DMXL1: variants seen among roughly 807,000 people sequenced by gnomAD.
DMXL1 encodes the protein Dmx like 1, also known as dmX-like protein 1.
DMXL1 carries 99 observed loss-of-function variants against 319.2 expected under a neutral mutation model. The ratio of observed to expected loss-of-function variants is 0.31; its 90% CI spans 0.26 to 0.37. The LOEUF (loss-of-function observed/expected upper bound fraction) is 0.37, where lower values mean the gene tolerates loss of function less well. Ranked by LOEUF, DMXL1 falls within the 10% of genes least tolerant of loss-of-function variation. DMXL1 has a pLI of 1.00. For missense variants in DMXL1, 3,745 were observed against 3,595.6 expected, an observed-to-expected ratio of 1.04 and a Z score of -1.06; for synonymous variants, 1,385 against 1,235.2, an observed-to-expected ratio of 1.12 and a Z score of -2.54.
intron 19 of DMXL1, among the ~76,000 whole-genome samples, chr5:119,160,110 T>TATA: frequency 6.6e-6 from 1 of 152,232 alleles, no homozygotes; most frequent in Admixed American, 6.5e-5. Context: ...TTCCTTGATG[T>TATA]ATAATAGTAG....
intron 13 of DMXL1, among the ~76,000 whole-genome samples, chr5:119,138,233 C>G (rs764910064): frequency 1.4e-4 from 21 of 152,006 alleles, no homozygotes; most frequent in Non-Finnish European, 5.9e-5. Flanking sequence ...TATGAATGGA[C>G]TGGATGCGGT....
chr5:119,189,898 G>A lies in DMXL1; in HGVS notation c.7314+12G>A, dbSNP rs1561835105. On this transcript the variant is annotated intron_variant, in intron 29 of 43. Coordinates refer to ENST00000539542, the MANE Select transcript of DMXL1 (RefSeq NM_001290321.3). ...ATTTCATAGCTAAGGTAATTAAAAT[G>A]CTATCTAGATCAATATTTTCATAGT... 3.1e-6 allele frequency: 5 copies of A among 1,606,048 alleles called. No individual in the cohort carries two copies. Among genetic ancestry groups the A allele is most frequent in the South Asian group, 2.2e-5 (2 of 90,780 alleles).
At chr5:119,222,057 A>G (rs1292408694) in intron 37 of DMXL1, among the ~76,000 whole-genome samples, 1 of 152,086 alleles carries the variant, frequency 6.6e-6, no homozygotes, top group African/African-American at 2.4e-5. Flanking sequence ...AAAAAAAATT[A>G]TTTTTCATTA....
At chr5:119,089,292 ATTTTTTTTTTT>A (rs1157921856) in intron 1 of DMXL1, among the ~76,000 whole-genome samples, 16 of 39,882 alleles carry the variant, frequency 4.0e-4, no homozygotes, top group Non-Finnish European at 1.4e-4. Flanking sequence ...ATATATATAT[ATTTTTTTTTTT>A]TTTTTTTTTT....
chr5:119,127,724 C>T, intron 9 of DMXL1: 1 of 235,406 alleles, frequency 4.2e-6, no homozygotes, highest in Non-Finnish European at 8.4e-6. Context: ...CAGACATGAG[C>T]TGCTGCACCC....
In DMXL1 at chr5:119,164,392, CTG is replaced by C. The variant is rs563923311; in HGVS notation, c.4703-112_4703-111del. On this transcript the variant is annotated intron_variant, in intron 19 of 43. Coordinates refer to ENST00000539542, the MANE Select transcript of DMXL1 (RefSeq NM_001290321.3). Reference sequence around the variant, plus strand: ...AAAAGCCCATATTTCCAATCTTAAACTGTGAGTCTCATAGAAGTTTACACATT... The same window carrying C: ...AAAAGCCCATATTTCCAATCTTAAACTGAGTCTCATAGAAGTTTACACATT... 2.0e-5 allele frequency: 18 copies of C among 919,282 alleles called. No individual in the cohort carries two copies. The South Asian group carries it at 2.3e-4, about 12-fold the overall frequency. The allele number at this position is 919,282 out of a possible 1,614,324, so 56.9% of individuals were successfully genotyped here. A position where few individuals can be genotyped will look rare whatever the true frequency, so the allele number is the denominator to read the frequency against.
At chr5:119,232,054 C>T (rs981979145) in intron 38 of DMXL1, among the ~76,000 whole-genome samples, 1 of 152,128 alleles carries the variant, frequency 6.6e-6, no homozygotes, top group Non-Finnish European at 1.5e-5. Context: ...AATCAAGGCA[C>T]ACTACAGCTT....
At chr5:119,205,995 T>G (rs944798442) in intron 33 of DMXL1, among the ~76,000 whole-genome samples, 1 of 152,070 alleles carries the variant, frequency 6.6e-6, no homozygotes, top group Non-Finnish European at 1.5e-5. Flanking sequence ...CTTTATTTCT[T>G]TATGTGTTTG....
Position 119,220,547 on chromosome 5 carries a change from C to A in DMXL1, c.8089C>A (p.Gln2697Lys). The change falls in exon 36 of 44, where the codon CAG becomes AAG. Residue 2697 changes from glutamine (Q) to lysine (K), a missense_variant. Gln to Lys is a moderately conservative substitution (Grantham distance 53). This residue lies in a region of DMXL1 where 1,382 missense variants were observed against 1,269.5 expected (regional missense o/e 1.09). Coordinates refer to ENST00000539542, the MANE Select transcript of DMXL1 (RefSeq NM_001290321.3). Reference sequence around the variant, plus strand: ...GGATGTTTCTGGAATTCTGGCCACACAGGTCTACACTTGGGTAGATGATGA... The same window carrying A: ...GGATGTTTCTGGAATTCTGGCCACAAAGGTCTACACTTGGGTAGATGATGA... ...ELDVSGILAT[Q>K]VYTWVDDDIE... 1 of 1,613,690 alleles carries A rather than the reference C, an allele frequency of 6.2e-7. No homozygotes were observed. The highest frequency in any genetic ancestry group is 8.5e-7 in the Non-Finnish European group (1 of 1,179,792).
intron 39 of DMXL1, chr5:119,237,067 A>G (rs950675964): frequency 4.8e-6 from 1 of 209,412 alleles, no homozygotes; most frequent in African/African-American, 2.3e-5. Context: ...ACTTACAGAG[A>G]ATATATAGAC....
At chr5:119,244,325 A>T (rs1231473090) in intron 42 of DMXL1, 34 bp from the exon 43 acceptor site, 1 of 1,523,974 alleles carries the variant, frequency 6.6e-7, no homozygotes, top group Non-Finnish European at 8.9e-7. Flanking sequence ...TTTTATTGTT[A>T]AGTGTTTTTG....
At chr5:119,221,376 A>C (rs995286381) in intron 37 of DMXL1, among the ~76,000 whole-genome samples, 1 of 152,230 alleles carries the variant, frequency 6.6e-6, no homozygotes, top group African/African-American at 2.4e-5. Context: ...CATAGATCAA[A>C]TATTACCCAT....
chr5:119,169,884 TC>T (rs1452568221), intron 23 of DMXL1, among the ~76,000 whole-genome samples: 1 of 152,184 alleles, frequency 6.6e-6, no homozygotes, highest in African/African-American at 2.4e-5. Context: ...GGAGAAGTGT[TC>T]AGGGAAGTAG....
Position 119,178,264 on chromosome 5 carries a change from T to G in DMXL1, c.7135+20T>G, listed in dbSNP as rs1026655357. 7 of 1,607,578 alleles carry G rather than the reference T, an allele frequency of 4.4e-6. No individual in the cohort carries two copies. Among genetic ancestry groups the G allele is most frequent in the Non-Finnish European group, 6.0e-6 (7 of 1,176,464 alleles). ...TACCTGGTGAGTTTAAAAAATTTTT[T>G]TAGGACTGAAGCTTTATTTATCTGA... On this transcript the variant is annotated intron_variant, in intron 28 of 43. Transcript: ENST00000539542.
intron 9 of DMXL1, among the ~76,000 whole-genome samples, chr5:119,125,251 CTT>C (rs929141623): frequency 2.8e-4 from 42 of 152,150 alleles, no homozygotes; most frequent in African/African-American, 9.4e-4. Flanking sequence ...GGTAAAAAGA[CTT>C]TTTTTCTCTT....
In DMXL1 at chr5:119,192,029, C is replaced by T. The variant is rs559772211; in HGVS notation, c.7315-1799C>T. ...TCTTTACTCAGCTGTTCCAGAAGTT[C>T]CACTCTCCCTGCTGTGTTTCTTTGT... is the stretch of plus-strand genomic sequence containing the variant. On this transcript the variant is annotated intron_variant, in intron 29 of 43. Coordinates refer to ENST00000539542, the MANE Select transcript of DMXL1 (RefSeq NM_001290321.3). Among the ~76,000 whole-genome samples, 3 of 152,244 alleles carry T rather than the reference C, an allele frequency of 2.0e-5. No individual in the cohort carries two copies. In the East Asian group the frequency reaches 5.8e-4, roughly 29 times the overall value.
At position 119,178,132 on chromosome 5, in the gene DMXL1, T is replaced by A; in HGVS notation, c.7023T>A (p.Asn2341Lys). 1 of 1,613,842 alleles carries A rather than the reference T, an allele frequency of 6.2e-7. No individual in the cohort carries two copies. Among genetic ancestry groups the A allele is most frequent in the Non-Finnish European group, 8.5e-7 (1 of 1,179,736 alleles). Residue 2341 changes from asparagine (N) to lysine (K), a missense_variant, in exon 28 of 44, where the codon AAT (asparagine) becomes AAA (lysine). By Grantham distance (94) the Asn-to-Lys change is moderately conservative. Transcript: ENST00000539542. ...ATGGCCTGGCCACACATTCAAGTAA[T>A]GAGCTATTTCGGATTGTGGCCCATC... ...FIHGLATHSS[N>K]ELFRIVAHPL...
At chr5:119,218,412 G>A (rs79458018) in intron 35 of DMXL1, among the ~76,000 whole-genome samples, 4,203 of 151,770 alleles carry the variant, frequency 0.028, 73 homozygotes, top group Non-Finnish European at 0.044. Context: ...TATTTCCCCA[G>A]ATTTGCTATT....
At chr5:119,199,406 T>C (rs1780265896) in intron 32 of DMXL1, among the ~76,000 whole-genome samples, 1 of 152,206 alleles carries the variant, frequency 6.6e-6, no homozygotes, top group African/African-American at 2.4e-5. Flanking sequence ...GTGATCTCAT[T>C]CTTTTTTATG....
Sources: gnomAD v4.1 joint callset for allele counts (sites outside exome capture counted in the v4.1 genomes callset) on GRCh38, gnomAD v4.1.1 for gene constraint, gnomAD v4.1.1 regional missense constraint, MANE v1.5 for transcripts, NCBI Gene and HGNC (gene_info 2026-07-23, HGNC 2026-07-21) for gene names.